The following TTLL1 variants were observed in gnomAD, a reference collection of about 807,000 sequenced individuals.
The protein encoded by TTLL1 is polyglutamylase complex subunit TTLL1.
A neutral mutation model predicts 47.8 loss-of-function variants in TTLL1; 33 were observed. The ratio of observed to expected loss-of-function variants is 0.69; its 90% confidence interval spans 0.52 to 0.92. TTLL1 has a LOEUF of 0.92. Ranked by LOEUF, TTLL1 falls within the 40% of genes least tolerant of loss-of-function variation. TTLL1 has a pLI of 0.00. For synonymous variants in TTLL1, 225 were observed against 214.1 expected, an observed-to-expected ratio of 1.05 and a Z score of -0.45; for missense variants, 488 against 547.5, an observed-to-expected ratio of 0.89 and a Z score of 1.08.
chr22:43,054,122 C>T (rs996899663), intron 8 of TTLL1, among the ~76,000 whole-genome samples: 3 of 152,162 alleles, frequency 2.0e-5, no homozygotes, highest in Non-Finnish European at 4.4e-5. Flanking sequence ...GAGCAAAGTC[C>T]CCTGTCGGGA....
intron 3 of TTLL1, among the ~76,000 whole-genome samples, chr22:43,072,376 G>A (rs946396016): frequency 2.0e-5 from 3 of 151,926 alleles, no homozygotes; most frequent in African/African-American, 4.8e-5. Context: ...GGATAGTCTC[G>A]ATCTCCTGAC....
At chr22:43,077,898 A>G (rs1928615713) in intron 2 of TTLL1, among the ~76,000 whole-genome samples, 2 of 152,040 alleles carry the variant, frequency 1.3e-5, no homozygotes, top group Admixed American at 6.6e-5. Context: ...CTTGAGCCCA[A>G]GAGTTTGAGA....
chr22:43,051,900 T>C lies in TTLL1; in HGVS notation c.892-13A>G, dbSNP rs920507525. 2 of 1,612,446 alleles carry C rather than the reference T, an allele frequency of 1.2e-6. No homozygotes were observed. The highest frequency in any genetic ancestry group is 2.7e-5 in the African/African-American group (2 of 74,640). On this transcript the variant is annotated splice_polypyrimidine_tract_variant and intron_variant, in intron 8 of 10. Transcript: ENST00000266254. ...TGTTCATCACCGGCTGGAGAGAGAG[T>C]GACCAGTGGGTGACATGGCCAGCAT...
chr22:43,076,104 C>T (rs947233149), intron 2 of TTLL1, among the ~76,000 whole-genome samples: 1 of 152,220 alleles, frequency 6.6e-6, no homozygotes, highest in Non-Finnish European at 1.5e-5. Flanking sequence ...CCACATCCCT[C>T]CAGGCACTGC....
chr22:43,052,126 C>T (rs547430379), intron 8 of TTLL1: 349 of 514,290 alleles, frequency 6.8e-4, no homozygotes, highest in Non-Finnish European at 9.6e-4. Flanking sequence ...ATCTCTGCGT[C>T]TCACTCATCA....
intron 9 of TTLL1, among the ~76,000 whole-genome samples, chr22:43,047,707 G>A (rs549458060): frequency 5.3e-5 from 8 of 152,118 alleles, no homozygotes; most frequent in Non-Finnish European, 8.8e-5. Flanking sequence ...GACCTCAGGG[G>A]TTCTGCCCGC....
chr22:43,069,766 A>G lies in TTLL1; in HGVS notation c.192T>C (p.His64=), dbSNP rs1927992129. ...GGGTCAGTTCATAGTGGTTTGGAAA[A>G]TGGTTGACTATTTGGTCATCTGAGA... The part of the protein sequence containing the change: ...YRLSDDQIVN[H]FPNHYELTRK... The change falls in exon 4 of 11, where the codon CAT becomes CAC. Residue 64 remains histidine, a synonymous_variant. Transcript: ENST00000266254. 2 of 1,614,186 alleles carry G rather than the reference A, an allele frequency of 1.2e-6. No individual in the cohort carries two copies. Among genetic ancestry groups the G allele is most frequent in the African/African-American group, 2.7e-5 (2 of 75,052 alleles).
chr22:43,081,158 C>T (rs1363391827), intron 1 of TTLL1, among the ~76,000 whole-genome samples: 5 of 151,836 alleles, frequency 3.3e-5, no homozygotes, highest in African/African-American at 4.8e-5. Flanking sequence ...TCAGGTGATC[C>T]GTCTGCCTCG....
intron 3 of TTLL1, among the ~76,000 whole-genome samples, chr22:43,074,959 A>G (rs1481094973): frequency 6.6e-6 from 1 of 151,912 alleles, no homozygotes; most frequent in Non-Finnish European, 1.5e-5. Context: ...GTGGATCACA[A>G]AGTTCAAGAC....
At chr22:43,051,076 A>G (rs918029424) in intron 9 of TTLL1, among the ~76,000 whole-genome samples, 31 of 152,212 alleles carry the variant, frequency 2.0e-4, no homozygotes, top group African/African-American at 6.0e-4. Context: ...GGCCCAAGCC[A>G]TCCACTGGCA....
At chr22:43,069,347 G>A (rs1372090679) in intron 4 of TTLL1, among the ~76,000 whole-genome samples, 5 of 147,524 alleles carry the variant, frequency 3.4e-5, no homozygotes, top group African/African-American at 7.6e-5. Flanking sequence ...AGCTGAGATC[G>A]CGCCACTACA....
intron 7 of TTLL1, among the ~76,000 whole-genome samples, chr22:43,060,444 C>T (rs9611993): frequency 0.033 from 4,971 of 152,358 alleles, 128 homozygotes; most frequent in Non-Finnish European, 0.049. Flanking sequence ...ACTGCAGCAA[C>T]ATCAGCTTGC....
intron 9 of TTLL1, among the ~76,000 whole-genome samples, chr22:43,046,835 AT>A (rs1321908237): frequency 2.0e-5 from 3 of 151,876 alleles, no homozygotes; most frequent in Non-Finnish European, 2.9e-5. Context: ...ACGCCCAGCT[AT>A]TTTTTTGTAT....
At chr22:43,046,891 G>A (rs1010261440) in intron 9 of TTLL1, among the ~76,000 whole-genome samples, 18 of 152,098 alleles carry the variant, frequency 1.2e-4, no homozygotes, top group African/African-American at 3.9e-4. Context: ...GGCTGGTCTC[G>A]AACTCCTGAC....
At chr22:43,064,941 T>G in intron 5 of TTLL1, among the ~76,000 whole-genome samples, 1 of 151,512 alleles carries the variant, frequency 6.6e-6, no homozygotes, top group East Asian at 2.0e-4. Context: ...AGGTCAGGAG[T>G]TCGAGACCAG....
chr22:43,056,236 G>A (rs1207821078), intron 8 of TTLL1, among the ~76,000 whole-genome samples: 2 of 151,762 alleles, frequency 1.3e-5, no homozygotes, highest in African/African-American at 4.8e-5. Context: ...GCGCGCACTT[G>A]TAGTCCCAGC....
chr22:43,043,897 T>C (rs1925897271), intron 10 of TTLL1, among the ~76,000 whole-genome samples: 1 of 151,994 alleles, frequency 6.6e-6, no homozygotes, highest in Admixed American at 6.6e-5. Flanking sequence ...TGGTGGGTGA[T>C]GGCAATGACC....
At chr22:43,074,387 A>G (rs1465701882) in intron 3 of TTLL1, among the ~76,000 whole-genome samples, 4 of 146,620 alleles carry the variant, frequency 2.7e-5, no homozygotes, top group Non-Finnish European at 5.9e-5. Flanking sequence ...AGATTGCCCC[A>G]TGGCACTCCA....
At chr22:43,040,070 A>G in intron 10 of TTLL1, 165 bp from the exon 11 acceptor site, 1 of 865,278 alleles carries the variant, frequency 1.2e-6, no homozygotes, top group East Asian at 2.8e-5. Context: ...ACCTGGCTCC[A>G]GCCCACCTGC....
Sources: gnomAD v4.1 joint callset for allele counts (sites outside exome capture counted in the v4.1 genomes callset) on GRCh38, gnomAD v4.1.1 for gene constraint, MANE v1.5 for transcripts, NCBI Gene and HGNC (gene_info 2026-07-23, HGNC 2026-07-21) for gene names.